The following APBA1 variants were observed in gnomAD, a reference collection of about 807,000 sequenced individuals.
APBA1 encodes the protein amyloid beta precursor protein binding family A member 1.
A neutral mutation model predicts 86.6 loss-of-function variants in APBA1; 55 were observed. The ratio of observed to expected loss-of-function variants is 0.64; its 90% CI spans 0.51 to 0.80. APBA1 has a LOEUF of 0.80. Among genes scored for constraint, APBA1 ranks in the 30% least tolerant of loss-of-function variants. The pLI is 0.00. For missense variants in APBA1, 1,090 were observed against 1,183.0 expected, an observed-to-expected ratio of 0.92 and a Z score of 1.15; for synonymous variants, 511 against 493.9, an observed-to-expected ratio of 1.03 and a Z score of -0.46.
intron 1 of APBA1, among the ~76,000 whole-genome samples, chr9:69,654,577 G>T (rs911157367): frequency 1.3e-5 from 2 of 152,098 alleles, no homozygotes; most frequent in Non-Finnish European, 2.9e-5. Context: ...CCCCCATCAA[G>T]GAAAAGCCCA....
intron 2 of APBA1, among the ~76,000 whole-genome samples, chr9:69,510,918 A>G (rs1836025893): frequency 6.9e-6 from 1 of 145,742 alleles, no homozygotes; most frequent in Non-Finnish European, 1.5e-5. Context: ...TACAAAAATC[A>G]ATTCAAGATG....
rs545671856 is a variant in APBA1 at position 69,620,797 on chromosome 9, C to T, written c.-70+51356G>A. The stretch of plus-strand genomic sequence containing the variant: ...CCTTTCCCAGTCATTTAAATTCACT[C>T]CATCTCTGCATGGAGATGCCATGGA... On this transcript the variant is annotated intron_variant, in intron 1 of 12. Transcript: ENST00000265381. Among the ~76,000 whole-genome samples the T allele has an allele frequency of 2.0e-5, 3 of 152,318 alleles. No homozygotes were observed. The South Asian group carries it at 6.2e-4, about 32-fold the overall frequency.
At chr9:69,660,270 A>T (rs1020300008) in intron 1 of APBA1, among the ~76,000 whole-genome samples, 21 of 152,236 alleles carry the variant, frequency 1.4e-4, no homozygotes, top group African/African-American at 5.1e-4. Flanking sequence ...GGGAAATACA[A>T]AGATAAAGTA....
intron 1 of APBA1, among the ~76,000 whole-genome samples, chr9:69,608,154 G>A (rs1412281935): frequency 6.6e-6 from 1 of 152,126 alleles, no homozygotes; most frequent in Non-Finnish European, 1.5e-5. Context: ...TTTATATGCA[G>A]TGGTATTCCC....
chr9:69,462,440 A>T (rs2133822100), intron 5 of APBA1: 1 of 152,364 alleles, frequency 6.6e-6, no homozygotes, highest in East Asian at 1.9e-4. Context: ...CACATTAAAG[A>T]CTGACAGCAC....
chr9:69,537,163 T>C (rs934433354), intron 1 of APBA1, among the ~76,000 whole-genome samples: 4 of 151,754 alleles, frequency 2.6e-5, no homozygotes, highest in African/African-American at 9.7e-5. Context: ...CATATTTTTC[T>C]TTTTTTCTGG....
At position 69,476,140 on chromosome 9, in the gene APBA1, G is replaced by A. The variant is rs771914317; in HGVS notation, c.1204C>T (p.Pro402Ser). The A allele has an allele frequency of 5.6e-6, 9 of 1,612,384 alleles. No individual in the cohort carries two copies. The highest frequency in any genetic ancestry group is 7.6e-6 in the Non-Finnish European group (9 of 1,178,782). The change falls in exon 3 of 13, where the codon CCG (proline) becomes TCG (serine). Residue 402 changes from proline (P) to serine (S), a missense_variant. Coordinates refer to ENST00000265381, the MANE Select transcript of APBA1 (RefSeq NM_001163.4). ...DDQRPMDGDS[P>S]SPGSSSPLGA... ...AAGGGGGAGGAGCTGCCAGGAGACG[G>A]AGACTAGAACACAGCAAGAGGAAAC...
At chr9:69,439,944 C>T (rs372945255) in intron 11 of APBA1, among the ~76,000 whole-genome samples, 14 of 152,246 alleles carry the variant, frequency 9.2e-5, no homozygotes, top group South Asian at 4.2e-4. Flanking sequence ...ATGATGCTGA[C>T]GTACAGATGG....
chr9:69,484,145 C>T (rs1835569775), intron 2 of APBA1, among the ~76,000 whole-genome samples: 1 of 152,076 alleles, frequency 6.6e-6, no homozygotes, highest in South Asian at 2.1e-4. Context: ...CTGTATCACA[C>T]CTTCATTAAA....
intron 1 of APBA1, among the ~76,000 whole-genome samples, chr9:69,638,678 C>G (rs1378801928): frequency 5.9e-5 from 9 of 152,146 alleles, no homozygotes; most frequent in Admixed American, 5.9e-4. Flanking sequence ...ATCAAGTCAG[C>G]AAATGAATCA....
At chr9:69,617,871 T>G (rs1822733912) in intron 1 of APBA1, among the ~76,000 whole-genome samples, 1 of 152,164 alleles carries the variant, frequency 6.6e-6, no homozygotes, top group Non-Finnish European at 1.5e-5. Flanking sequence ...TTCTTGCCAA[T>G]CAGAAGATCA....
rs778847236 is a variant in APBA1, at chr9:69,458,198, A to G, written c.1483-10T>C. On this transcript the variant is annotated splice_polypyrimidine_tract_variant and intron_variant, in intron 5 of 12. Coordinates refer to ENST00000265381, the MANE Select transcript of APBA1 (RefSeq NM_001163.4). Reference sequence around the variant, plus strand: ...CTAATTTCTGGGCCATCTGCTTAGCATGGAACAAACAGAGACAGGAGAATA... The same window carrying G: ...CTAATTTCTGGGCCATCTGCTTAGCGTGGAACAAACAGAGACAGGAGAATA... 4.3e-6 allele frequency: 7 copies of G among 1,609,444 alleles called. No individual in the cohort carries two copies. The highest frequency in any genetic ancestry group is 5.9e-6 in the Non-Finnish European group (7 of 1,178,804).
chr9:69,616,881 G>C (rs1468222798), intron 1 of APBA1, among the ~76,000 whole-genome samples: 2 of 152,136 alleles, frequency 1.3e-5, no homozygotes, highest in African/African-American at 4.8e-5. Flanking sequence ...AATCAAAATG[G>C]AGTCATATTT....
chr9:69,627,563 C>T (rs1822958164), intron 1 of APBA1, among the ~76,000 whole-genome samples: 1 of 152,054 alleles, frequency 6.6e-6, no homozygotes, highest in African/African-American at 2.4e-5. Context: ...TTGTGATAAC[C>T]TAAACGACTT....
rs779985443 is a variant in APBA1, at chr9:69,449,684, G to A, written c.2081C>T (p.Ala694Val). 12 of 1,613,796 alleles carry A rather than the reference G, an allele frequency of 7.4e-6. No individual in the cohort carries two copies. Among genetic ancestry groups the A allele is most frequent in the African/African-American group, 4.0e-5 (3 of 74,830 alleles). ...IIANMMHGGP[A>V]EKSGKLNIGD... ...GATATTCAGCTTCCCAGATTTCTCC[G>A]CAGGGCCACCATGCATCATGTTGGC... Residue 694 changes from alanine to valine, a missense_variant, in exon 10 of 13, where the codon GCG (alanine) becomes GTG (valine). Ala to Val is a moderately conservative substitution (Grantham distance 64). Around this residue, in one of 6 missense-constraint regions of APBA1, gnomAD observed 97 missense variants for 166.8 expected, o/e 0.58. Coordinates refer to ENST00000265381, the MANE Select transcript of APBA1 (RefSeq NM_001163.4).
At chr9:69,525,341 A>G (rs1330622480) in intron 1 of APBA1, among the ~76,000 whole-genome samples, 1 of 152,098 alleles carries the variant, frequency 6.6e-6, no homozygotes, top group Non-Finnish European at 1.5e-5. Flanking sequence ...CCTAAAGACT[A>G]TGCCAAAAGG....
chr9:69,555,119 G>T (rs546169918), intron 1 of APBA1, among the ~76,000 whole-genome samples: 1 of 152,112 alleles, frequency 6.6e-6, no homozygotes, highest in Non-Finnish European at 1.5e-5. Context: ...GCTTGGAGAC[G>T]GTCCAGGTTT....
rs545206962 is a variant in APBA1 at position 69,503,293 on chromosome 9, T to C, written c.1200+12718A>G. 1.2e-3 allele frequency among the ~76,000 whole-genome samples: 190 copies of C among 152,258 alleles called. 2 individuals carry two copies. The highest frequency in any genetic ancestry group is 3.9e-3 in the African/African-American group (161 of 41,550). On this transcript the variant is annotated intron_variant, in intron 2 of 12. Transcript: ENST00000265381. Reference sequence around the variant, plus strand: ...TAATTTTAAAAGTCAAACGATATCATGCAGTTTATGGCAAAAATTGAAGTC... The same window carrying C: ...TAATTTTAAAAGTCAAACGATATCACGCAGTTTATGGCAAAAATTGAAGTC...
At chr9:69,652,444 G>A (rs1278487804) in intron 1 of APBA1, among the ~76,000 whole-genome samples, 2 of 152,160 alleles carry the variant, frequency 1.3e-5, no homozygotes, top group Admixed American at 6.5e-5. Context: ...GTGTGTGTGT[G>A]TTTCCTCTGG....
Sources: allele counts gnomAD v4.1 joint callset (sites outside exome capture counted in the v4.1 genomes callset), GRCh38; gene constraint gnomAD v4.1.1; regional missense constraint gnomAD v4.1.1; transcripts MANE v1.5; gene names NCBI Gene and HGNC (gene_info 2026-07-23, HGNC 2026-07-21).